The following CDH18 variants were observed in gnomAD, a reference collection of about 807,000 sequenced individuals.
CDH18 encodes the protein cadherin 18, also known as cadherin-18.
In CDH18, 31 loss-of-function variants were observed where a neutral mutation model predicts 67.9. The observed-to-expected ratio is 0.46, with a 90% CI of 0.34 to 0.62. CDH18 has a LOEUF of 0.62. CDH18 is among the 20% of genes least tolerant of loss of function. The pLI, the probability that CDH18 is intolerant of heterozygous loss-of-function variation, is 0.01. For missense variants in CDH18, 890 were observed against 975.5 expected (o/e 0.91, Z 1.17); for synonymous variants, 362 against 347.2 (o/e 1.04, Z -0.48).
chr5:20,144,240 G>A (rs998651629), intron 2 of CDH18, among the ~76,000 whole-genome samples: 6 of 152,182 alleles, frequency 3.9e-5, no homozygotes, highest in Admixed American at 2.0e-4. Flanking sequence ...GAGGCATCTC[G>A]GGGGTAGGGA....
intron 1 of CDH18, among the ~76,000 whole-genome samples, chr5:20,483,008 T>C (rs1444306151): frequency 6.6e-6 from 1 of 151,990 alleles, no homozygotes; most frequent in Non-Finnish European, 1.5e-5. Flanking sequence ...GTTTGTGGTA[T>C]TATATTTAGA....
intron 8 of CDH18, among the ~76,000 whole-genome samples, chr5:19,558,842 CA>C (rs1031909006): frequency 6.6e-6 from 1 of 151,646 alleles, no homozygotes; most frequent in Admixed American, 6.6e-5. Context: ...GGGGACATAA[CA>C]AAAAAAGAAT....
At chr5:19,811,736 T>C (rs77744667) in intron 3 of CDH18, among the ~76,000 whole-genome samples, 2,340 of 152,272 alleles carry the variant, frequency 0.015, 54 homozygotes, top group African/African-American at 0.053. Flanking sequence ...AATGAAATTA[T>C]AGCAGGCTTA....
At chr5:20,415,662 A>T (rs1580948161) in intron 1 of CDH18, among the ~76,000 whole-genome samples, 1 of 151,940 alleles carries the variant, frequency 6.6e-6, no homozygotes, top group South Asian at 2.1e-4. Context: ...AGTCCCAGCT[A>T]CTCGGGAGGC....
At chr5:20,111,329 T>A (rs1489502479) in intron 2 of CDH18, among the ~76,000 whole-genome samples, 2 of 152,064 alleles carry the variant, frequency 1.3e-5, no homozygotes, top group African/African-American at 4.8e-5. Context: ...GGGAGACACA[T>A]CCAATGATTT....
chr5:20,042,501 T>A (rs1740511237), intron 2 of CDH18, among the ~76,000 whole-genome samples: 1 of 152,212 alleles, frequency 6.6e-6, no homozygotes, highest in Non-Finnish European at 1.5e-5. Context: ...GGAGACATTT[T>A]TTTTCACACA....
rs114226513 is a variant in CDH18 at position 19,985,370 on chromosome 5, T to C, written c.-376+2716A>G. On this transcript the variant is annotated intron_variant, in intron 1 of 12. Coordinates refer to ENST00000382275, the MANE Select transcript of CDH18 (RefSeq NM_004934.5). ...CCTTTGGTTTGGCTTAGAGCAGTGG[T>C]TCCCACTGAGTGGTTCTCAAAATTG... Among the ~76,000 whole-genome samples, 315 of 152,240 alleles carry C rather than the reference T, an allele frequency of 2.1e-3. 2 individuals carry two copies. Among genetic ancestry groups the C allele is most frequent in the African/African-American group, 7.1e-3 (294 of 41,570 alleles).
intron 2 of CDH18, among the ~76,000 whole-genome samples, chr5:19,877,262 G>A (rs1392585967): frequency 3.3e-5 from 5 of 151,944 alleles, no homozygotes; most frequent in Admixed American, 2.0e-4. Flanking sequence ...GGGGAAAATC[G>A]TTACTTTTAT....
intron 1 of CDH18, among the ~76,000 whole-genome samples, chr5:20,374,906 A>C (rs1743290225): frequency 6.6e-6 from 1 of 152,186 alleles, no homozygotes; most frequent in South Asian, 2.1e-4. Flanking sequence ...AAACTTAGTA[A>C]GTAGGGTTAT....
intron 2 of CDH18, among the ~76,000 whole-genome samples, chr5:19,966,252 T>G (rs1159879729): frequency 6.6e-6 from 1 of 152,134 alleles, no homozygotes; most frequent in Non-Finnish European, 1.5e-5. Flanking sequence ...TTAATTCAAT[T>G]ATGATGAGAT....
chr5:20,274,193 A>C (rs11747590), intron 1 of CDH18, among the ~76,000 whole-genome samples: 17,796 of 152,174 alleles, frequency 0.12, 1,577 homozygotes, highest in African/African-American at 0.24. Context: ...CTGACACTTT[A>C]AATTTGAACT....
chr5:19,653,366 G>A (rs967675334), intron 5 of CDH18, among the ~76,000 whole-genome samples: 1 of 151,828 alleles, frequency 6.6e-6, no homozygotes, highest in Admixed American at 6.6e-5. Flanking sequence ...AGAAGGGGAG[G>A]ATTTGCTAAA....
rs144633820 is a variant in CDH18, at chr5:19,651,508, A to G, written c.644-38907T>C. On this transcript the variant is annotated intron_variant, in intron 5 of 12. Transcript: ENST00000382275. ...CCCTATCAGTATCAAAAGCATAACA[A>G]CTCAAATTCTGTCAAAGAAGACGTT... Among the ~76,000 whole-genome samples, 16 of 152,176 alleles carry G rather than the reference A, an allele frequency of 1.1e-4. No individual in the cohort carries two copies. In the East Asian group the frequency reaches 2.9e-3, roughly 28 times the overall value.
chr5:19,926,859 A>G (rs2150185807), intron 2 of CDH18, among the ~76,000 whole-genome samples: 1 of 152,250 alleles, frequency 6.6e-6, no homozygotes. Context: ...ATATGTATAT[A>G]GATACAAATA....
In CDH18 at chr5:20,269,143, C is replaced by T. The variant is rs137897167; in HGVS notation, c.-579-13638G>A. Among the ~76,000 whole-genome samples, 1,397 of 152,058 alleles carry T rather than the reference C, an allele frequency of 9.2e-3. 25 individuals carry two copies. Among genetic ancestry groups the T allele is most frequent in the African/African-American group, 0.032 (1,331 of 41,480 alleles). On this transcript the variant is annotated intron_variant, in intron 1 of 14. Coordinates refer to the CDH18 transcript ENST00000507958. ...ATAAATGTGAAAATGCTCAACGTCA[C>T]TAATCATCCAAGAAATGCAAGTCAA...
intron 5 of CDH18, among the ~76,000 whole-genome samples, chr5:19,622,648 T>C (rs1342349508): frequency 6.6e-6 from 1 of 152,136 alleles, no homozygotes; most frequent in Non-Finnish European, 1.5e-5. Context: ...TGGTAAGTGA[T>C]CTAGCTAGAT....
intron 7 of CDH18, among the ~76,000 whole-genome samples, chr5:19,579,326 G>T (rs1742840224): frequency 6.6e-6 from 1 of 151,806 alleles, no homozygotes. Flanking sequence ...TATGATTTCA[G>T]TTTGGATCCC....
chr5:20,486,017 T>C (rs73764416), intron 1 of CDH18, among the ~76,000 whole-genome samples: 10,632 of 152,212 alleles, frequency 0.07, 535 homozygotes, highest in African/African-American at 0.14. Flanking sequence ...AAGGGGCTTG[T>C]TATTTGGCTG....
At chr5:20,271,574 C>G (rs921333214) in intron 1 of CDH18, among the ~76,000 whole-genome samples, 12 of 151,818 alleles carry the variant, frequency 7.9e-5, no homozygotes, top group African/African-American at 2.9e-4. Flanking sequence ...TAATTAAAAA[C>G]AAAATTAATT....
Sources: allele counts gnomAD v4.1 joint callset (sites outside exome capture counted in the v4.1 genomes callset), GRCh38; gene constraint gnomAD v4.1.1; transcripts MANE v1.5; gene names NCBI Gene and HGNC (gene_info 2026-07-23, HGNC 2026-07-21).